CSNK1G1: variants seen among roughly 807,000 people sequenced by gnomAD.
The protein encoded by CSNK1G1 is casein kinase I isoform gamma-1.
Under a neutral mutation model 59.6 loss-of-function variants are expected in CSNK1G1, and 22 were observed. The observed-to-expected ratio is 0.37, with a 90% CI of 0.26 to 0.53. CSNK1G1 has a LOEUF of 0.53. Among genes scored for constraint, CSNK1G1 ranks in the 20% least tolerant of loss-of-function variants. The probability of loss-of-function intolerance (pLI) is 0.89; values close to 1 mark genes in which losing one functional copy is unlikely to be tolerated. For synonymous variants in CSNK1G1, 179 were observed against 177.1 expected (o/e 1.01, Z -0.08); for missense variants, 384 against 519.5 (o/e 0.74, Z 2.54).
chr15:64,241,224 AT>A (rs2140305082), intron 4 of CSNK1G1, among the ~76,000 whole-genome samples: 1 of 152,352 alleles, frequency 6.6e-6, no homozygotes, highest in East Asian at 1.9e-4. Flanking sequence ...GAGTAGATAT[AT>A]CAAAAGATCT....
At chr15:64,208,576 T>C (rs1157287012) in intron 6 of CSNK1G1, among the ~76,000 whole-genome samples, 3 of 152,216 alleles carry the variant, frequency 2.0e-5, no homozygotes, top group African/African-American at 7.2e-5. Context: ...CTCTGTTTCC[T>C]AGGCTTGAGT....
intron 1 of CSNK1G1, among the ~76,000 whole-genome samples, chr15:64,338,134 G>A (rs1897486942): frequency 6.6e-6 from 1 of 152,086 alleles, no homozygotes; most frequent in Admixed American, 6.6e-5. Context: ...GGACTGCTGG[G>A]TCTATATGGT....
rs139997149 is a variant in CSNK1G1 at position 64,230,399 on chromosome 15, G to T, written c.293-13686C>A. ...TGCAGCCTTGACTTCCCAGGCTCAA[G>T]CAATATTCCCACCTCAGCCTCCCGA... On this transcript the variant is annotated intron_variant, in intron 4 of 11. Coordinates refer to ENST00000303052, the MANE Select transcript of CSNK1G1 (RefSeq NM_022048.5). 5.1e-3 allele frequency among the ~76,000 whole-genome samples: 771 copies of T among 151,920 alleles called. 10 individuals carry two copies. The highest frequency in any genetic ancestry group is 0.017 in the African/African-American group (715 of 41,424).
At chr15:64,266,138 A>G (rs1430657465) in intron 2 of CSNK1G1, among the ~76,000 whole-genome samples, 1 of 152,056 alleles carries the variant, frequency 6.6e-6, no homozygotes, top group South Asian at 2.1e-4. Flanking sequence ...TCTCGGCTCA[A>G]TGCAAACTCT....
chr15:64,264,220 G>A (rs967698870), intron 2 of CSNK1G1, among the ~76,000 whole-genome samples: 8 of 152,280 alleles, frequency 5.3e-5, no homozygotes, highest in Non-Finnish European at 8.8e-5. Context: ...GGTGAAAGTT[G>A]TATTTTTACA....
At chr15:64,194,811 C>T (rs930468791) in intron 10 of CSNK1G1, among the ~76,000 whole-genome samples, 1 of 152,114 alleles carries the variant, frequency 6.6e-6, no homozygotes, top group African/African-American at 2.4e-5. Context: ...CAGCCAGCCA[C>T]AATATATTTT....
At chr15:64,337,270 G>A (rs1342893176) in intron 1 of CSNK1G1, among the ~76,000 whole-genome samples, 1 of 152,008 alleles carries the variant, frequency 6.6e-6, no homozygotes, top group African/African-American at 2.4e-5. Context: ...AGAACTCATA[G>A]AAACATATGA....
chr15:64,310,668 G>C (rs922543977), intron 1 of CSNK1G1, among the ~76,000 whole-genome samples: 1 of 152,002 alleles, frequency 6.6e-6, no homozygotes, highest in Non-Finnish European at 1.5e-5. Context: ...AGTGAGCTAT[G>C]ATTGTGCTAC....
chr15:64,171,738 G>A lies in CSNK1G1; in HGVS notation c.*193C>T, dbSNP rs1315343422. On this transcript the variant is annotated 3_prime_UTR_variant, in exon 12 of 12. Coordinates refer to ENST00000303052, the MANE Select transcript of CSNK1G1 (RefSeq NM_022048.5). The surrounding 1 kb of genome is among the most constrained non-coding windows in gnomAD (Gnocchi z 4.8). ...TGGGACCTGCTCAGAGCCTTAGGCAGGCGGAGATGGCCAATGACCCACTAG... is the reference window on the plus strand; with the variant it reads ...TGGGACCTGCTCAGAGCCTTAGGCAAGCGGAGATGGCCAATGACCCACTAG... 1 of 614,526 alleles carries A rather than the reference G, an allele frequency of 1.6e-6. No individual in the cohort carries two copies. Among genetic ancestry groups the A allele is most frequent in the East Asian group, 2.7e-5 (1 of 36,692 alleles). The allele number at this position is 614,526 out of a possible 1,614,324, so 38.1% of individuals were successfully genotyped here.
chr15:64,204,567 T>C lies in CSNK1G1; in HGVS notation c.873A>G (p.Arg291=), dbSNP rs140144967. The stretch of plus-strand genomic sequence containing the variant: ...CAAAGAAGTCCAGTCGCCTGACATA[T>C]CGAAGGTAGGTTGCCATCTCCTCTG... The part of the protein sequence containing the change: ...NFPEEMATYL[R]YVRRLDFFEK... The change falls in exon 9 of 12, where the codon CGA becomes CGG. Residue 291 remains arginine, a synonymous_variant. Transcript: ENST00000303052. 9.2e-5 allele frequency: 148 copies of C among 1,613,816 alleles called. No individual in the cohort carries two copies. The African/African-American group carries it at 1.9e-3, about 21-fold the overall frequency.
intron 1 of CSNK1G1, among the ~76,000 whole-genome samples, chr15:64,353,568 A>AT (rs1898444454): frequency 6.6e-6 from 1 of 150,696 alleles, no homozygotes; most frequent in African/African-American, 2.4e-5. Flanking sequence ...AATTGCTTGA[A>AT]CCTGGGAGGT....
At chr15:64,182,418 G>A (rs964565571) in intron 10 of CSNK1G1, among the ~76,000 whole-genome samples, 1 of 152,094 alleles carries the variant, frequency 6.6e-6, no homozygotes, top group African/African-American at 2.4e-5. Context: ...TAAACACAGG[G>A]AGACTTAAAG....
intron 1 of CSNK1G1, among the ~76,000 whole-genome samples, chr15:64,325,844 G>A (rs1390317932): frequency 6.6e-6 from 1 of 152,164 alleles, no homozygotes; most frequent in African/African-American, 2.4e-5. Context: ...GCTAAGAAAT[G>A]GCAGAGACAG....
chr15:64,349,701 C>T (rs559854719), intron 1 of CSNK1G1, among the ~76,000 whole-genome samples: 20 of 152,152 alleles, frequency 1.3e-4, no homozygotes, highest in African/African-American at 3.4e-4. Context: ...CTTTCTGGTC[C>T]GCTAAGTTAA....
intron 10 of CSNK1G1, among the ~76,000 whole-genome samples, chr15:64,201,706 A>ATGTGTATG: frequency 7.9e-6 from 1 of 126,546 alleles, no homozygotes; most frequent in African/African-American, 3.3e-5. Context: ...TCCATTGGAC[A>ATGTGTATG]TGTGTGTGTG....
At chr15:64,251,235 A>G (rs935349133) in intron 4 of CSNK1G1, among the ~76,000 whole-genome samples, 3 of 152,244 alleles carry the variant, frequency 2.0e-5, no homozygotes, top group Non-Finnish European at 2.9e-5. Context: ...TGAACTGCTG[A>G]AAAGCAAATC....
At chr15:64,330,767 C>CTAG (rs1384318571) in intron 1 of CSNK1G1, among the ~76,000 whole-genome samples, 1 of 48,990 alleles carries the variant, frequency 2.0e-5, no homozygotes, top group Non-Finnish European at 4.2e-5. Context: ...GATTGTTTAT[C>CTAG]TAGAAAACCC....
At chr15:64,172,537 C>T (rs2081686626) in intron 11 of CSNK1G1, among the ~76,000 whole-genome samples, 1 of 152,174 alleles carries the variant, frequency 6.6e-6, no homozygotes, top group African/African-American at 2.4e-5. Flanking sequence ...TCTGTCCTCA[C>T]CCACCGAAGT....
intron 4 of CSNK1G1, among the ~76,000 whole-genome samples, chr15:64,240,806 C>A (rs1439701635): frequency 6.6e-6 from 1 of 151,782 alleles, no homozygotes; most frequent in Non-Finnish European, 1.5e-5. Context: ...ATCTGGAGGT[C>A]AAAAGATGAT....
Sources: gnomAD v4.1 joint callset for allele counts (sites outside exome capture counted in the v4.1 genomes callset) on GRCh38, gnomAD v4.1.1 for gene constraint, Gnocchi (gnomAD v3.1) non-coding constraint, MANE v1.5 for transcripts, NCBI Gene and HGNC (gene_info 2026-07-23, HGNC 2026-07-21) for gene names.